MORC3: variants seen among roughly 807,000 people sequenced by gnomAD.
MORC3 encodes the protein MORC family CW-type zinc finger protein 3.
A neutral mutation model predicts 109.1 loss-of-function variants in MORC3; 31 were observed. The observed-to-expected ratio is 0.28, with a 90% confidence interval of 0.21 to 0.38. The LOEUF (loss-of-function observed/expected upper bound fraction) is 0.38. Among genes scored for constraint, MORC3 ranks in the 10% least tolerant of loss-of-function variants. The pLI is 1.00. For missense variants in MORC3, 867 were observed against 1,135.8 expected (o/e 0.76, Z 3.40); for synonymous variants, 395 against 380.7 (o/e 1.04, Z -0.44).
chr21:36,361,687 G>A (rs893809356), intron 12 of MORC3: 3 of 162,616 alleles, frequency 1.8e-5, no homozygotes, highest in Non-Finnish European at 3.9e-5. Context: ...AGGAGTTCGA[G>A]ACCAGCCTGG....
intron 10 of MORC3, among the ~76,000 whole-genome samples, chr21:36,358,663 G>A (rs753202266): frequency 1.8e-4 from 27 of 151,902 alleles, no homozygotes; most frequent in Non-Finnish European, 3.4e-4. Flanking sequence ...GTTCTTTACA[G>A]GAATTATTGT....
rs374860810 is a variant in MORC3 at position 36,349,319 on chromosome 21, C to T, written c.1014C>T (p.Asn338=). 6.2e-7 allele frequency: 1 copy of T among 1,603,368 alleles called. No individual in the cohort carries two copies. Among genetic ancestry groups the T allele is most frequent in the Non-Finnish European group, 8.5e-7 (1 of 1,177,060 alleles). ...EKVGCQLRAN[N]MGVGVVGIIE... is the part of the protein sequence containing the mutation. ...TCATTTTATTTTTTCAGGCAAACAA[C>T]ATGGGTGTTGGAGTGGTTGGAATTA... The change falls in exon 9 of 17, where the codon AAC becomes AAT. Residue 338 remains asparagine, a synonymous_variant. Coordinates refer to ENST00000400485, the MANE Select transcript of MORC3 (RefSeq NM_015358.3).
At chr21:36,324,478 C>T (rs567899995) in intron 1 of MORC3, among the ~76,000 whole-genome samples, 6 of 151,222 alleles carry the variant, frequency 4.0e-5, no homozygotes, top group African/African-American at 9.7e-5. Context: ...GGGGTTTCAC[C>T]GTGTTAGCCA....
Position 36,344,329 on chromosome 21 carries a change from A to T in MORC3, c.757-250A>T, listed in dbSNP as rs1398421269. Among the ~76,000 whole-genome samples the T allele has an allele frequency of 2.0e-5, 3 of 152,222 alleles. No homozygotes were observed. The East Asian group carries it at 5.8e-4, about 29-fold the overall frequency. On this transcript the variant is annotated intron_variant, in intron 6 of 16. Coordinates refer to ENST00000400485, the MANE Select transcript of MORC3 (RefSeq NM_015358.3). ...TGTTTTGTAATCTTTTTCACTTAGT[A>T]ATAAATATATCAGCATCTATATAGA... is the stretch of plus-strand genomic sequence containing the variant.
At chr21:36,359,265 G>T (rs1005671122) in intron 10 of MORC3, among the ~76,000 whole-genome samples, 1 of 152,006 alleles carries the variant, frequency 6.6e-6, no homozygotes, top group African/African-American at 2.4e-5. Context: ...GTTCAAATTG[G>T]CTTGTGACTT....
In MORC3 at chr21:36,320,283, C is replaced by A. The variant is rs767374483; in HGVS notation, c.19C>A (p.Arg7Ser). The A allele has an allele frequency of 6.3e-7, 1 of 1,576,408 alleles. No individual in the cohort carries two copies. Among genetic ancestry groups the A allele is most frequent in the Non-Finnish European group, 8.6e-7 (1 of 1,162,728 alleles). MAAQPP[R>S]GIRLSALCPK... ...GCTCAAGATGGCGGCGCAGCCACCC[C>A]GCGGGATACGCCTCAGCGCGGTGAG... The change falls in exon 1 of 17, where the codon CGC becomes AGC. Residue 7 changes from arginine (R) to serine (S), a missense_variant. Arg to Ser is a moderately radical substitution (Grantham distance 110). Around this residue, in one of 7 missense-constraint regions of MORC3, gnomAD observed 33 missense variants for 18.5 expected, o/e 1.78. Coordinates refer to ENST00000400485, the MANE Select transcript of MORC3 (RefSeq NM_015358.3).
chr21:36,337,688 T>G (rs1268892000), intron 3 of MORC3, 44 bp from the exon 4 acceptor site: 1 of 1,194,636 alleles, frequency 8.4e-7, no homozygotes, highest in Non-Finnish European at 1.2e-6. Context: ...TATTTATTTT[T>G]GATTATAGGT....
chr21:36,353,753 G>GTCTTTTT (rs1334368761), intron 9 of MORC3, among the ~76,000 whole-genome samples: 1 of 26,408 alleles, frequency 3.8e-5, no homozygotes, highest in African/African-American at 2.2e-4. Flanking sequence ...GCTAATTTTT[G>GTCTTTTT]TATTTTTTTT....
chr21:36,329,903 C>G (rs2085295445), intron 1 of MORC3, among the ~76,000 whole-genome samples: 1 of 151,208 alleles, frequency 6.6e-6, no homozygotes, highest in African/African-American at 2.4e-5. Context: ...GCTCTTGTTG[C>G]CCAGATTGGA....
chr21:36,359,389 G>A (rs1017287726), intron 10 of MORC3, among the ~76,000 whole-genome samples: 6 of 151,978 alleles, frequency 3.9e-5, no homozygotes, highest in Non-Finnish European at 7.4e-5. Flanking sequence ...TCCAACCTCA[G>A]CCTCCTGAGT....
At chr21:36,354,975 G>C in intron 9 of MORC3, among the ~76,000 whole-genome samples, 1 of 152,022 alleles carries the variant, frequency 6.6e-6, no homozygotes. Context: ...TCCTCAACTG[G>C]CTATCTTGTA....
rs775859986 is a variant in MORC3, at chr21:36,341,543, G to T, written c.753G>T (p.Leu251=). 5 of 1,613,992 alleles carry T rather than the reference G, an allele frequency of 3.1e-6. No individual in the cohort carries two copies. In the South Asian group the frequency reaches 5.5e-5, roughly 18 times the overall value. ...DQIAPESDYS[L]RAYCSILYLK... ...TTGCCCCTGAGAGTGACTATTCCCT[G>T]AGGGTATGTATTCAGCTCTCTTTGT... Residue 251 remains leucine, a synonymous_variant, in exon 6 of 17, where the codon CTG becomes CTT. Coordinates refer to ENST00000400485, the MANE Select transcript of MORC3 (RefSeq NM_015358.3).
intron 7 of MORC3, 48 bp from the exon 8 acceptor site, chr21:36,344,864 T>A: frequency 6.2e-7 from 1 of 1,607,150 alleles, no homozygotes; most frequent in South Asian, 1.1e-5. Flanking sequence ...AAAGGATGAT[T>A]TGAACTGAGT....
chr21:36,349,373 T>G lies in MORC3; in HGVS notation c.1068T>G (p.His356Gln). 6.2e-7 allele frequency: 1 copy of G among 1,610,542 alleles called. No individual in the cohort carries two copies. Among genetic ancestry groups the G allele is most frequent in the Non-Finnish European group, 8.5e-7 (1 of 1,178,664 alleles). The change falls in exon 9 of 17, where the codon CAT becomes CAG. Residue 356 changes from histidine (H) to glutamine (Q), a missense_variant. His to Gln is a conservative substitution (Grantham distance 24, BLOSUM62 0). Around this residue, in one of 7 missense-constraint regions of MORC3, gnomAD observed 120 missense variants for 259.7 expected, o/e 0.46. Coordinates refer to ENST00000400485, the MANE Select transcript of MORC3 (RefSeq NM_015358.3). The stretch of plus-strand genomic sequence containing the variant: ...AGTGTAATTTCCTTAAGCCAACTCA[T>G]AATAAACAAGATTTCGACTATACTA... Reference protein sequence around the residue: ...IIECNFLKPTHNKQDFDYTNE... With the variant: ...IIECNFLKPTQNKQDFDYTNE...
chr21:36,367,572 C>A (rs1424270232), intron 14 of MORC3, among the ~76,000 whole-genome samples: 3 of 152,212 alleles, frequency 2.0e-5, no homozygotes, highest in African/African-American at 7.2e-5. Flanking sequence ...AAGCCACCAT[C>A]TGAATAAGGG....
intron 16 of MORC3, among the ~76,000 whole-genome samples, chr21:36,372,772 G>A (rs2085885077): frequency 6.6e-6 from 1 of 152,158 alleles, no homozygotes; most frequent in African/African-American, 2.4e-5. Context: ...TAAAGCATTT[G>A]ATTGGTCAGA....
intron 1 of MORC3, among the ~76,000 whole-genome samples, chr21:36,320,925 A>C (rs1310189983): frequency 6.6e-6 from 1 of 152,172 alleles, no homozygotes; most frequent in Admixed American, 6.5e-5. Flanking sequence ...CCCTGTGAAC[A>C]TTTCTTGTAT....
At chr21:36,340,638 C>CTTTTTTTTT (rs34899654) in intron 5 of MORC3, among the ~76,000 whole-genome samples, 6 of 123,672 alleles carry the variant, frequency 4.9e-5, no homozygotes, top group South Asian at 2.4e-4. Context: ...TTCTTTCTTT[C>CTTTTTTTTT]TTTTTTTTTT....
Position 36,360,114 on chromosome 21 carries a change from G to A in MORC3, c.1331+37G>A, listed in dbSNP as rs370995755. 133 of 1,614,062 alleles carry A rather than the reference G, an allele frequency of 8.2e-5. 2 individuals are homozygous for A. The South Asian group carries it at 1.4e-3, about 17-fold the overall frequency. Reference sequence around the variant, plus strand: ...TTGGTAGTACCCTTTTTGGAAAGACGGAAAGTACTGTTCACAGTGTATGAA... The same window carrying A: ...TTGGTAGTACCCTTTTTGGAAAGACAGAAAGTACTGTTCACAGTGTATGAA... On this transcript the variant is annotated intron_variant, in intron 11 of 16. Coordinates refer to ENST00000400485, the MANE Select transcript of MORC3 (RefSeq NM_015358.3).
Sources: allele counts gnomAD v4.1 joint callset (sites outside exome capture counted in the v4.1 genomes callset), GRCh38; gene constraint gnomAD v4.1.1; regional missense constraint gnomAD v4.1.1; transcripts MANE v1.5; gene names NCBI Gene and HGNC (gene_info 2026-07-23, HGNC 2026-07-21).